Variants in PLCL2 observed in about 807,000 individuals in gnomAD.
PLCL2 encodes phospholipase C like 2.
Under a neutral mutation model 79.6 loss-of-function variants are expected in PLCL2, and 4 were observed. The observed-to-expected ratio is 0.05, with a 90% confidence interval of 0.02 to 0.11. The LOEUF is 0.11. Ranked by LOEUF, PLCL2 falls within the 10% of genes least tolerant of loss-of-function variation. PLCL2 has a pLI of 1.00. For missense variants in PLCL2, 895 were observed against 1,291.0 expected, an observed-to-expected ratio of 0.69 and a Z score of 4.70; for synonymous variants, 484 against 457.7, an observed-to-expected ratio of 1.06 and a Z score of -0.73.
chr3:17,031,929 C>CTTTTTTTTT (rs35640259), intron 3 of PLCL2, among the ~76,000 whole-genome samples: 7 of 109,046 alleles, frequency 6.4e-5, no homozygotes, highest in Non-Finnish European at 1.3e-4. Flanking sequence ...CAATTTTCAC[C>CTTTTTTTTT]TTTTTTTTTT....
chr3:17,022,829 T>C (rs1575591612), intron 3 of PLCL2, among the ~76,000 whole-genome samples: 1 of 152,232 alleles, frequency 6.6e-6, no homozygotes, highest in Admixed American at 6.5e-5. Flanking sequence ...AAAATGTAAC[T>C]TTCTTACCTC....
At chr3:16,989,912 G>T (rs1387028459) in intron 1 of PLCL2, among the ~76,000 whole-genome samples, 1 of 152,102 alleles carries the variant, frequency 6.6e-6, no homozygotes, top group East Asian at 1.9e-4. Context: ...GTTTGTAGGT[G>T]CTCAGACAGG....
At chr3:17,061,127 G>T (rs2064948762) in intron 4 of PLCL2, among the ~76,000 whole-genome samples, 2 of 152,108 alleles carry the variant, frequency 1.3e-5, no homozygotes, top group African/African-American at 4.8e-5. Flanking sequence ...ATTTAGATTG[G>T]TAGAGAAAAT....
At chr3:17,022,356 T>C (rs933277079) in intron 3 of PLCL2, among the ~76,000 whole-genome samples, 4 of 152,172 alleles carry the variant, frequency 2.6e-5, no homozygotes, top group Admixed American at 6.5e-5. Context: ...ACATCGAATA[T>C]TGGATTTTGC....
chr3:16,919,130 A>C (rs996359045), intron 1 of PLCL2, among the ~76,000 whole-genome samples: 3 of 152,206 alleles, frequency 2.0e-5, no homozygotes, highest in African/African-American at 7.2e-5. Context: ...ATTTGGAGCC[A>C]AAATTTAAAT....
chr3:17,031,929 CTTT>C (rs35640259), intron 3 of PLCL2, among the ~76,000 whole-genome samples: 8 of 109,046 alleles, frequency 7.3e-5, no homozygotes, highest in Admixed American at 9.4e-5. Flanking sequence ...CAATTTTCAC[CTTT>C]TTTTTTTTTT....
At chr3:16,932,833 G>A (rs879814013) in intron 1 of PLCL2, among the ~76,000 whole-genome samples, 1 of 152,206 alleles carries the variant, frequency 6.6e-6, no homozygotes, top group Non-Finnish European at 1.5e-5. Flanking sequence ...GCCTCACTCT[G>A]TCTTGCCATG....
intron 1 of PLCL2, among the ~76,000 whole-genome samples, chr3:16,980,445 C>T (rs968475831): frequency 6.6e-6 from 1 of 150,938 alleles, no homozygotes; most frequent in Non-Finnish European, 1.5e-5. Flanking sequence ...CAGAGGGTCT[C>T]CTCACTTCTC....
At chr3:17,058,828 G>GTGAA (rs1424155888) in intron 4 of PLCL2, among the ~76,000 whole-genome samples, 2 of 152,140 alleles carry the variant, frequency 1.3e-5, no homozygotes, top group African/African-American at 2.4e-5. Flanking sequence ...TGGAAGTCTA[G>GTGAA]TGAATGAGGT....
At chr3:16,931,077 A>G (rs1356039601) in intron 1 of PLCL2, among the ~76,000 whole-genome samples, 1 of 151,722 alleles carries the variant, frequency 6.6e-6, no homozygotes, top group Non-Finnish European at 1.5e-5. Flanking sequence ...CAGCCCAAAT[A>G]CTACATCCTT....
intron 1 of PLCL2, among the ~76,000 whole-genome samples, chr3:17,004,000 C>G (rs1362741611): frequency 6.6e-6 from 1 of 152,140 alleles, no homozygotes; most frequent in Admixed American, 6.6e-5. Context: ...TTAAGAATTC[C>G]TTAAAATTTT....
chr3:16,995,147 A>T (rs6806862), intron 1 of PLCL2, among the ~76,000 whole-genome samples: 27,518 of 152,272 alleles, frequency 0.18, 3,034 homozygotes, highest in East Asian at 0.54. Context: ...GTTCTTGGGA[A>T]CTTGATCCCC....
At chr3:17,074,258 C>T (rs2065088924) in intron 5 of PLCL2, among the ~76,000 whole-genome samples, 1 of 152,204 alleles carries the variant, frequency 6.6e-6, no homozygotes, top group South Asian at 2.1e-4. Flanking sequence ...TATCAGAGTG[C>T]TTGGATGACC....
intron 1 of PLCL2, among the ~76,000 whole-genome samples, chr3:16,996,215 G>A (rs1260332173): frequency 6.6e-6 from 1 of 152,156 alleles, no homozygotes; most frequent in East Asian, 1.9e-4. Context: ...GAGCACTCAA[G>A]AACTGGCAGA....
intron 1 of PLCL2, among the ~76,000 whole-genome samples, chr3:16,925,660 A>G (rs1220832888): frequency 6.6e-6 from 1 of 152,214 alleles, no homozygotes; most frequent in East Asian, 1.9e-4. Context: ...TCTTTCACTT[A>G]GCATAATATT....
At chr3:16,954,694 T>C (rs1394412112) in intron 1 of PLCL2, among the ~76,000 whole-genome samples, 3 of 151,892 alleles carry the variant, frequency 2.0e-5, no homozygotes, top group Admixed American at 2.0e-4. Context: ...ACCTGTTGTT[T>C]CCTGACTTTT....
At chr3:17,062,475 T>C (rs970806932) in intron 4 of PLCL2, among the ~76,000 whole-genome samples, 14 of 152,200 alleles carry the variant, frequency 9.2e-5, no homozygotes, top group African/African-American at 3.4e-4. Flanking sequence ...GGCAACATGG[T>C]TGTAGAATCA....
At chr3:16,985,968 A>G (rs558631386) in intron 1 of PLCL2, among the ~76,000 whole-genome samples, 1 of 152,152 alleles carries the variant, frequency 6.6e-6, no homozygotes, top group Non-Finnish European at 1.5e-5. Context: ...GAACCATGAC[A>G]TAAGAAGCCC....
At chr3:16,977,523 C>G (rs1479830546) in intron 1 of PLCL2, among the ~76,000 whole-genome samples, 2 of 152,184 alleles carry the variant, frequency 1.3e-5, no homozygotes, top group African/African-American at 2.4e-5. Context: ...GTCCCCCACT[C>G]TCTCTGAATT....
Sources: gnomAD v4.1 joint callset for allele counts (sites outside exome capture counted in the v4.1 genomes callset) on GRCh38, gnomAD v4.1.1 for gene constraint, MANE v1.5 for transcripts, NCBI Gene and HGNC (gene_info 2026-07-23, HGNC 2026-07-21) for gene names.